Variants in ADGB observed in about 807,000 individuals in gnomAD.
ADGB encodes the protein androglobin.
ADGB carries 172 observed loss-of-function variants against 210.5 expected under a neutral mutation model. That is an observed-to-expected ratio of 0.82 (90% confidence interval 0.72 to 0.93). The LOEUF is 0.93. Ranked by LOEUF, ADGB falls within the 40% of genes least tolerant of loss-of-function variation. The pLI, the probability that ADGB is intolerant of heterozygous loss-of-function variation, is 0.00. For missense variants in ADGB, 2,025 were observed against 1,964.8 expected (o/e 1.03, Z -0.58); for synonymous variants, 658 against 662.7 (o/e 0.99, Z 0.11).
intron 12 of ADGB, among the ~76,000 whole-genome samples, chr6:146,695,897 G>A (rs1776395013): frequency 6.6e-6 from 1 of 151,874 alleles, no homozygotes; most frequent in East Asian, 1.9e-4. Flanking sequence ...TTGCCCTATT[G>A]AGAAGACCAG....
intron 25 of ADGB, among the ~76,000 whole-genome samples, chr6:146,744,270 T>C (rs1777197654): frequency 6.6e-6 from 1 of 152,146 alleles, no homozygotes; most frequent in Non-Finnish European, 1.5e-5. Context: ...TAAAACTGTA[T>C]TGAGCAGTTG....
chr6:146,772,878 C>A (rs1333101944), intron 29 of ADGB, among the ~76,000 whole-genome samples: 1 of 151,906 alleles, frequency 6.6e-6, no homozygotes, highest in Non-Finnish European at 1.5e-5. Context: ...GGATACCAAG[C>A]ATGAGAAATA....
chr6:146,771,380 G>GAA (rs546999436), intron 29 of ADGB, among the ~76,000 whole-genome samples: 2 of 146,870 alleles, frequency 1.4e-5, no homozygotes, highest in East Asian at 4.0e-4. Flanking sequence ...GAAAATAAAT[G>GAA]AAAAAAAAAA....
chr6:146,609,715 G>T (rs1039819487), intron 1 of ADGB, among the ~76,000 whole-genome samples: 1 of 152,132 alleles, frequency 6.6e-6, no homozygotes, highest in African/African-American at 2.4e-5. Flanking sequence ...GCTTAGTTTG[G>T]CTGGATATGA....
At chr6:146,599,348 C>A (rs1033928350) in intron 1 of ADGB, among the ~76,000 whole-genome samples, 1 of 152,150 alleles carries the variant, frequency 6.6e-6, no homozygotes, top group Non-Finnish European at 1.5e-5. Context: ...TTTGGGTGTT[C>A]AGCTCCCATG....
chr6:146,772,780 T>C (rs1465326237), intron 29 of ADGB, among the ~76,000 whole-genome samples: 1 of 151,754 alleles, frequency 6.6e-6, no homozygotes. Flanking sequence ...TTTTGTAAAT[T>C]TGGGATATTT....
At chr6:146,724,438 A>G (rs1776865816) in intron 18 of ADGB, 111 bp downstream of exon 18, 1 of 1,126,170 alleles carries the variant, frequency 8.9e-7, no homozygotes, top group South Asian at 2.1e-5. Context: ...TCTCAAAGCA[A>G]TTTCTCAAGG....
chr6:146,686,534 A>G (rs1299004662), intron 10 of ADGB, among the ~76,000 whole-genome samples: 1 of 152,090 alleles, frequency 6.6e-6, no homozygotes. Flanking sequence ...AGATATTGTT[A>G]ACATTTTTTT....
chr6:146,674,792 C>A (rs1015710767), intron 8 of ADGB, among the ~76,000 whole-genome samples: 1 of 152,050 alleles, frequency 6.6e-6, no homozygotes, highest in Non-Finnish European at 1.5e-5. Context: ...GAGGAGCAAT[C>A]CTTATTTAGG....
At position 146,690,316 on chromosome 6, in the gene ADGB, G is replaced by C. The variant is rs376087903; in HGVS notation, c.1312-800G>C. On this transcript the variant is annotated intron_variant, in intron 10 of 35. Transcript: ENST00000397944. ...AGAAATCATTGAGACAACATAATTA[G>C]GAAGAAAAACAGTTATTGACAAAAT... Among the ~76,000 whole-genome samples, 337 of 152,184 alleles carry C rather than the reference G, an allele frequency of 2.2e-3. 2 individuals are homozygous for C. Among genetic ancestry groups the C allele is most frequent in the African/African-American group, 7.4e-3 (308 of 41,534 alleles).
chr6:146,770,412 G>T, intron 29 of ADGB: 1 of 246,912 alleles, frequency 4.1e-6, no homozygotes, highest in South Asian at 3.9e-5. Context: ...CAAATGTATT[G>T]AGTGTGCTTC....
At chr6:146,616,596 G>T (rs1485226533) in intron 1 of ADGB, among the ~76,000 whole-genome samples, 1 of 151,972 alleles carries the variant, frequency 6.6e-6, no homozygotes, top group Non-Finnish European at 1.5e-5. Flanking sequence ...GTTTTGACTT[G>T]ATCTTTGCAT....
chr6:146,625,283 A>G (rs1011343655), intron 1 of ADGB, among the ~76,000 whole-genome samples: 1 of 152,020 alleles, frequency 6.6e-6, no homozygotes, highest in East Asian at 1.9e-4. Flanking sequence ...TGTTATATGC[A>G]CCCAGTGAAT....
chr6:146,620,072 T>C (rs139832931), intron 1 of ADGB, among the ~76,000 whole-genome samples: 1 of 152,298 alleles, frequency 6.6e-6, no homozygotes, highest in East Asian at 1.9e-4. Flanking sequence ...CAGTATTTTT[T>C]CTTCAGCACT....
chr6:146,803,704 T>A, intron 35 of ADGB: 2 of 1,121,336 alleles, frequency 1.8e-6, no homozygotes, highest in Non-Finnish European at 2.7e-6. Context: ...GAGTTTCCGA[T>A]GCCATAATCT....
chr6:146,660,111 C>T (rs973572), intron 5 of ADGB, among the ~76,000 whole-genome samples: 48 of 151,898 alleles, frequency 3.2e-4, no homozygotes, highest in South Asian at 2.1e-4. Flanking sequence ...ACTTCTTAAA[C>T]ATCCACTTCC....
chr6:146,663,501 A>C (rs924075133), intron 5 of ADGB, among the ~76,000 whole-genome samples: 1 of 151,842 alleles, frequency 6.6e-6, no homozygotes, highest in Non-Finnish European at 1.5e-5. Flanking sequence ...TGAGGGCTTT[A>C]CCCTCCTTTT....
At chr6:146,727,177 C>CA (rs35167095) in intron 19 of ADGB, among the ~76,000 whole-genome samples, 13,550 of 139,200 alleles carry the variant, frequency 0.097, 1,714 homozygotes, top group African/African-American at 0.31. Context: ...CCTTTCCTAC[C>CA]AAAAAAAAAA....
chr6:146,696,345 G>T (rs1017071402), intron 12 of ADGB, among the ~76,000 whole-genome samples: 1 of 149,364 alleles, frequency 6.7e-6, no homozygotes, highest in African/African-American at 2.6e-5. Flanking sequence ...CAAAGTGCTG[G>T]GATTACAGGT....
Sources: allele counts gnomAD v4.1 joint callset (sites outside exome capture counted in the v4.1 genomes callset), GRCh38; gene constraint gnomAD v4.1.1; transcripts MANE v1.5; gene names NCBI Gene and HGNC (gene_info 2026-07-23, HGNC 2026-07-21).